PFKFB2: variants seen among roughly 807,000 people sequenced by gnomAD.
The protein encoded by PFKFB2 is 6-phosphofructo-2-kinase/fructose-2,6-bisphosphatase 2.
A neutral mutation model predicts 68.0 loss-of-function variants in PFKFB2; 53 were observed. The ratio of observed to expected loss-of-function variants is 0.78; its 90% confidence interval spans 0.63 to 0.98. The LOEUF (loss-of-function observed/expected upper bound fraction) is 0.98. Among genes scored for constraint, PFKFB2 ranks in the 50% least tolerant of loss-of-function variants. PFKFB2 has a pLI of 0.00. For synonymous variants in PFKFB2, 222 were observed against 227.6 expected, an observed-to-expected ratio of 0.98 and a Z score of 0.22; for missense variants, 451 against 642.0, an observed-to-expected ratio of 0.70 and a Z score of 3.22.
downstream of PFKFB2, chr1:207,080,402 A>G (rs529794857): frequency 6.6e-6 from 1 of 152,294 alleles, no homozygotes; most frequent in Admixed American, 6.5e-5. Context: ...CTAAGATGTG[A>G]TAAGCTGGGC....
At chr1:207,059,277 A>G (rs953359183) in intron 2 of PFKFB2, among the ~76,000 whole-genome samples, 9 of 152,268 alleles carry the variant, frequency 5.9e-5, no homozygotes, top group Non-Finnish European at 1.2e-4. Context: ...TTTAAACTTT[A>G]GGGAGGGTAA....
At chr1:207,068,031 G>C (rs1479611643) in intron 9 of PFKFB2, 132 bp from the exon 10 acceptor site, 1 of 790,304 alleles carries the variant, frequency 1.3e-6, no homozygotes, top group Non-Finnish European at 2.0e-6. Flanking sequence ...TATGGATTTT[G>C]ACCATGGTTA....
chr1:207,060,658 AGAAACTCTGTTG>A (rs1683058987), intron 2 of PFKFB2, among the ~76,000 whole-genome samples: 1 of 152,204 alleles, frequency 6.6e-6, no homozygotes, highest in South Asian at 2.1e-4. Context: ...TCCTGGAGAC[AGAAACTCTGTTG>A]GACCTATTAT....
chr1:207,079,275 G>A (rs1388744833), downstream of PFKFB2: 3 of 558,890 alleles, frequency 5.4e-6, no homozygotes, highest in African/African-American at 3.8e-5. Context: ...TGTCATCTCT[G>A]TGCTGAGTTT....
chr1:207,035,579 G>A (rs1396227524), intron 1 of PFKFB2, among the ~76,000 whole-genome samples: 1 of 151,998 alleles, frequency 6.6e-6, no homozygotes, highest in Non-Finnish European at 1.5e-5. Flanking sequence ...CTTGAGACCG[G>A]GAGATCAAGG....
In PFKFB2 at chr1:207,076,913, C is replaced by T. The variant is rs931392643; in HGVS notation, c.*4542C>T. On this transcript the variant is annotated 3_prime_UTR_variant, in exon 15 of 15. Transcript: ENST00000367080. ...TATGTACATTATGGTAATTCTCTGTCTATTAAATGTGTCTAACAAAGGAAG... is the reference window on the plus strand; with the variant it reads ...TATGTACATTATGGTAATTCTCTGTTTATTAAATGTGTCTAACAAAGGAAG... 2.0e-6 allele frequency: 2 copies of T among 983,090 alleles called. No individual in the cohort carries two copies. The highest frequency in any genetic ancestry group is 1.2e-4 in the Admixed American group (2 of 16,260). The allele number at this position is 983,090 out of a possible 1,614,324, so 60.9% of individuals were successfully genotyped here. A position where few individuals can be genotyped will look rare whatever the true frequency, so the allele number is the denominator to read the frequency against.
At chr1:207,064,792 G>C (rs1488349919) in intron 7 of PFKFB2, among the ~76,000 whole-genome samples, 1 of 150,146 alleles carries the variant, frequency 6.7e-6, no homozygotes, top group Admixed American at 6.7e-5. Flanking sequence ...TTGGCTGCGT[G>C]ACTGCCTCTG....
chr1:207,072,713 G>A lies in PFKFB2; in HGVS notation c.*342G>A. 4 of 1,053,378 alleles carry A rather than the reference G, an allele frequency of 3.8e-6. No homozygotes were observed. Among genetic ancestry groups the A allele is most frequent in the Non-Finnish European group, 4.6e-6 (4 of 874,052 alleles). The allele number at this position is 1,053,378 out of a possible 1,614,324, so 65.3% of individuals were successfully genotyped here. ...TCTTGGATCTTCTCTCTGTTCCCTG[G>A]TGTCTTCACTAATGTCCTCATGTTG... On this transcript the variant is annotated 3_prime_UTR_variant, in exon 15 of 15. Coordinates refer to ENST00000367080, the MANE Select transcript of PFKFB2 (RefSeq NM_006212.2).
intron 1 of PFKFB2, among the ~76,000 whole-genome samples, chr1:207,054,401 G>GA (rs943787067): frequency 6.6e-6 from 1 of 152,170 alleles, no homozygotes; most frequent in Non-Finnish European, 1.5e-5. Context: ...AAAATGAGAA[G>GA]AAATAATGGT....
intron 1 of PFKFB2, among the ~76,000 whole-genome samples, chr1:207,038,206 C>A (rs1682414754): frequency 6.6e-6 from 1 of 152,178 alleles, no homozygotes; most frequent in South Asian, 2.1e-4. Flanking sequence ...CATGTTCATT[C>A]ATTCAACTAT....
chr1:207,055,779 C>G (rs555864786), intron 2 of PFKFB2, among the ~76,000 whole-genome samples: 1 of 152,224 alleles, frequency 6.6e-6, no homozygotes, highest in African/African-American at 2.4e-5. Flanking sequence ...GATGTCATGC[C>G]CTTGTCAGTT....
At position 207,063,160 on chromosome 1, in the gene PFKFB2, C is replaced by T. The variant is rs138596532; in HGVS notation, c.326C>T (p.Ala109Val). 6.5e-5 allele frequency: 105 copies of T among 1,613,724 alleles called. No homozygotes were observed. Among genetic ancestry groups the T allele is most frequent in the Middle Eastern group, 1.6e-4 (1 of 6,080 alleles). ...MKIRKQCALV[A>V]LEDVKAYLTE... The stretch of plus-strand genomic sequence containing the variant: ...TATGGCAGACAGTGTGCTCTGGTGG[C>T]GCTGGAAGATGTTAAGGCGTATCTC... The change falls in exon 5 of 15, where the codon GCG becomes GTG. Residue 109 changes from alanine to valine, a missense_variant. Coordinates refer to ENST00000367080, the MANE Select transcript of PFKFB2 (RefSeq NM_006212.2). The surrounding 1 kb of genome is among the most constrained non-coding windows in gnomAD (Gnocchi z 4.1).
At chr1:207,034,600 T>C (rs1305650119) in intron 1 of PFKFB2, 1 of 152,250 alleles carries the variant, frequency 6.6e-6, no homozygotes. Flanking sequence ...TTAGGATAAC[T>C]AGGAGGAACC....
At position 207,063,314 on chromosome 1, in the gene PFKFB2, C is replaced by A; in HGVS notation, c.376-33C>A. ...CCTGGTGGGGTTCTGTTTCTCTGTTCCTGCTCATTTACCTTGTGTACTTTC... is the reference window on the plus strand; with the variant it reads ...CCTGGTGGGGTTCTGTTTCTCTGTTACTGCTCATTTACCTTGTGTACTTTC... On this transcript the variant is annotated intron_variant, in intron 5 of 14. Transcript: ENST00000367080. The surrounding 1 kb of genome is among the most constrained non-coding windows in gnomAD (Gnocchi z 4.1). 1 of 1,594,878 alleles carries A rather than the reference C, an allele frequency of 6.3e-7. No homozygotes were observed. The highest frequency in any genetic ancestry group is 8.6e-7 in the Non-Finnish European group (1 of 1,162,470).
Position 207,072,482 on chromosome 1 carries a change from C to G in PFKFB2, c.*111C>G. 1 of 1,486,650 alleles carries G rather than the reference C, an allele frequency of 6.7e-7. No homozygotes were observed. Among genetic ancestry groups the G allele is most frequent in the South Asian group, 1.4e-5 (1 of 71,742 alleles). 92.1% of individuals were successfully genotyped at this position (1,486,650 alleles called of 1,614,324 possible). ...GAGTCATTAACTTCCTCCCTCTATG[C>G]CCACCCCTGACACTTCACCATTAAT... is the stretch of plus-strand genomic sequence containing the variant. On this transcript the variant is annotated 3_prime_UTR_variant, in exon 15 of 15. Coordinates refer to ENST00000367080, the MANE Select transcript of PFKFB2 (RefSeq NM_006212.2).
chr1:207,059,372 G>A (rs1683019760), intron 2 of PFKFB2, among the ~76,000 whole-genome samples: 2 of 152,176 alleles, frequency 1.3e-5, no homozygotes, highest in African/African-American at 4.8e-5. Flanking sequence ...CAAATCATGG[G>A]GGATTGAGAG....
downstream of PFKFB2, chr1:207,079,036 G>T (rs752667825): frequency 7.5e-6 from 12 of 1,602,224 alleles, no homozygotes; most frequent in Non-Finnish European, 1.0e-5. Flanking sequence ...GGATGTTCAG[G>T]CCTCACCTCT....
intron 8 of PFKFB2, 68 bp from the exon 9 acceptor site, chr1:207,067,430 CT>C: frequency 2.6e-6 from 3 of 1,152,412 alleles, no homozygotes; most frequent in Non-Finnish European, 2.6e-6. Flanking sequence ...TGTAGAAATC[CT>C]TTTCCCTCTG....
intron 2 of PFKFB2, among the ~76,000 whole-genome samples, chr1:207,057,081 G>A (rs1032234406): frequency 1.3e-5 from 2 of 152,056 alleles, no homozygotes; most frequent in Admixed American, 6.5e-5. Context: ...CTGCTCCAGG[G>A]ATGGGGCGAA....
Sources: gnomAD v4.1 joint callset for allele counts (sites outside exome capture counted in the v4.1 genomes callset) on GRCh38, gnomAD v4.1.1 for gene constraint, Gnocchi (gnomAD v3.1) non-coding constraint, MANE v1.5 for transcripts, NCBI Gene and HGNC (gene_info 2026-07-23, HGNC 2026-07-21) for gene names.